The following COP1 variants were observed in gnomAD, a reference collection of about 807,000 sequenced individuals.
The protein encoded by COP1 is E3 ubiquitin-protein ligase COP1.
COP1 carries 24 observed loss-of-function variants against 101.3 expected under a neutral mutation model. The ratio of observed to expected loss-of-function variants is 0.24; its 90% CI spans 0.17 to 0.33. COP1 has a LOEUF of 0.33. COP1 is among the 10% of genes least tolerant of loss of function. The pLI, the probability that COP1 is intolerant of heterozygous loss-of-function variation, is 1.00. For missense variants in COP1, 663 were observed against 906.2 expected, an observed-to-expected ratio of 0.73 and a Z score of 3.45; for synonymous variants, 347 against 341.9, an observed-to-expected ratio of 1.01 and a Z score of -0.17.
At chr1:176,020,550 T>C (rs528979846) in intron 15 of COP1, among the ~76,000 whole-genome samples, 1 of 152,058 alleles carries the variant, frequency 6.6e-6, no homozygotes, top group East Asian at 2.0e-4. Context: ...AGGTAGTGCA[T>C]GCCTGTAATC....
At chr1:176,176,587 G>C (rs1696972556) in intron 2 of COP1, among the ~76,000 whole-genome samples, 4 of 152,124 alleles carry the variant, frequency 2.6e-5, no homozygotes, top group Non-Finnish European at 5.9e-5. Context: ...AGGAGGCAGA[G>C]GCAGGAAGAT....
At chr1:175,959,078 A>C (rs928581250) in intron 18 of COP1, among the ~76,000 whole-genome samples, 2 of 151,994 alleles carry the variant, frequency 1.3e-5, no homozygotes, top group African/African-American at 4.8e-5. Context: ...AAATAGTAGC[A>C]AGTTGATTTT....
chr1:176,060,406 A>G (rs1674631410), intron 11 of COP1, among the ~76,000 whole-genome samples: 1 of 152,308 alleles, frequency 6.6e-6, no homozygotes, highest in East Asian at 1.9e-4. Context: ...CAAGAGCTGA[A>G]AAAGAAAATA....
intron 2 of COP1, among the ~76,000 whole-genome samples, chr1:176,178,330 T>C (rs1168994100): frequency 4.6e-5 from 6 of 131,034 alleles, no homozygotes; most frequent in Non-Finnish European, 6.8e-5. Flanking sequence ...GGCAAAACTC[T>C]GTCTCTACAA....
chr1:176,123,565 G>C (rs1687495602), intron 8 of COP1, among the ~76,000 whole-genome samples: 1 of 152,060 alleles, frequency 6.6e-6, no homozygotes, highest in African/African-American at 2.4e-5. Context: ...AATTAACAGG[G>C]AATGGCTGGT....
chr1:176,085,924 T>C lies in COP1; in HGVS notation c.1027-34A>G, dbSNP rs1184060577. On this transcript the variant is annotated intron_variant, in intron 9 of 19. Coordinates refer to ENST00000367669, the MANE Select transcript of COP1 (RefSeq NM_022457.7). ...ATAAGAAAAGACACAAAACTTAGAA[T>C]AAACAATACTCTTCTTTTGCACAGA... 3.4e-6 allele frequency: 4 copies of C among 1,170,650 alleles called. No homozygotes were observed. In the East Asian group the frequency reaches 9.5e-5, roughly 28 times the overall value. The allele number at this position is 1,170,650 out of a possible 1,614,324, so 72.5% of individuals were successfully genotyped here.
At chr1:176,190,529 TAAA>T (rs11284970) in intron 1 of COP1, among the ~76,000 whole-genome samples, 1 of 145,694 alleles carries the variant, frequency 6.9e-6, no homozygotes, top group Admixed American at 6.8e-5. Context: ...TTGGGACATT[TAAA>T]AAAAAAAAAA....
rs924741642 is a variant in COP1 at position 176,207,279 on chromosome 1, G to A, written c.-301C>T. 7.8e-6 allele frequency: 3 copies of A among 386,726 alleles called. No homozygotes were observed. Among genetic ancestry groups the A allele is most frequent in the Admixed American group, 9.0e-5 (2 of 22,200 alleles). 24.0% of individuals were successfully genotyped at this position (386,726 alleles called of 1,614,324 possible). ...GCGCCGTGGCCGGCCGTGCGCGCGC[G>A]CGCGAGCGGCGGAAGAGGCGGGCGT... is the stretch of plus-strand genomic sequence containing the variant. On this transcript the variant is annotated 5_prime_UTR_variant, in exon 1 of 20. Coordinates refer to ENST00000367669, the MANE Select transcript of COP1 (RefSeq NM_022457.7).
intron 15 of COP1, among the ~76,000 whole-genome samples, chr1:175,997,228 C>A (rs1022854272): frequency 2.6e-5 from 4 of 151,448 alleles, no homozygotes; most frequent in Admixed American, 6.6e-5. Context: ...CCCTTCCTTA[C>A]ACCTTATACA....
intron 2 of COP1, among the ~76,000 whole-genome samples, chr1:176,178,076 G>C (rs1183640312): frequency 6.6e-6 from 1 of 152,182 alleles, no homozygotes; most frequent in Admixed American, 6.5e-5. Flanking sequence ...CACAAAATAT[G>C]CTTCATGTAT....
intron 9 of COP1, among the ~76,000 whole-genome samples, chr1:176,087,276 A>G (rs1680391493): frequency 1.3e-5 from 2 of 152,370 alleles, no homozygotes; most frequent in South Asian, 4.1e-4. Context: ...ATTAAACTAA[A>G]GAGCTTCTGC....
At chr1:176,190,194 T>G (rs547116132) in intron 1 of COP1, among the ~76,000 whole-genome samples, 1 of 152,158 alleles carries the variant, frequency 6.6e-6, no homozygotes, top group African/African-American at 2.4e-5. Context: ...TTTGAAATAT[T>G]TGCATTTATA....
intron 3 of COP1, among the ~76,000 whole-genome samples, chr1:176,165,361 CGTGTGTGTGTGTGTGTGTGTGTGTGT>C (rs34291468): frequency 7.6e-6 from 1 of 132,056 alleles, no homozygotes; most frequent in African/African-American, 2.9e-5. Flanking sequence ...AGATGTGTGT[CGTGTGTGTGTGTGTGTGTGTGTGTGT>C]GTGTGTGTGT....
At chr1:176,055,688 T>C (rs1458830105) in intron 11 of COP1, among the ~76,000 whole-genome samples, 1 of 152,236 alleles carries the variant, frequency 6.6e-6, no homozygotes, top group Non-Finnish European at 1.5e-5. Context: ...ATTGAGTTTC[T>C]GAATCCCCTG....
intron 15 of COP1, among the ~76,000 whole-genome samples, chr1:176,007,378 TGCTGGTGAGGAACTGCGTTCCTTTGGA>T (rs751701127): frequency 6.6e-6 from 1 of 152,234 alleles, no homozygotes; most frequent in Non-Finnish European, 1.5e-5. Context: ...TTTGTTCCGT[TGCTGGTGAGGAACTGCGTTCCTTTGGA>T]GGAAGAGAGG....
chr1:176,061,794 A>G (rs1289009865), intron 11 of COP1, among the ~76,000 whole-genome samples: 1 of 152,212 alleles, frequency 6.6e-6, no homozygotes, highest in African/African-American at 2.4e-5. Context: ...AAACATTTCT[A>G]CAGGATAGAA....
intron 9 of COP1, among the ~76,000 whole-genome samples, chr1:176,109,781 A>G (rs1684963135): frequency 6.6e-6 from 1 of 152,194 alleles, no homozygotes; most frequent in African/African-American, 2.4e-5. Flanking sequence ...TAGTTATTTT[A>G]ATGTACTCAG....
At chr1:176,155,115 T>TA (rs894864208) in intron 5 of COP1, among the ~76,000 whole-genome samples, 32 of 151,694 alleles carry the variant, frequency 2.1e-4, no homozygotes, top group African/African-American at 6.3e-4. Context: ...TCATTTCAGT[T>TA]AAAAAAAATT....
intron 9 of COP1, among the ~76,000 whole-genome samples, chr1:176,112,779 T>C (rs138840702): frequency 6.6e-6 from 1 of 152,258 alleles, no homozygotes; most frequent in South Asian, 2.1e-4. Flanking sequence ...CCACTTTTTT[T>C]TGGCTCCCAT....
Sources: gnomAD v4.1 joint callset for allele counts (sites outside exome capture counted in the v4.1 genomes callset) on GRCh38, gnomAD v4.1.1 for gene constraint, MANE v1.5 for transcripts, NCBI Gene and HGNC (gene_info 2026-07-23, HGNC 2026-07-21) for gene names.